The following OSTN variants were observed in gnomAD, a reference collection of about 807,000 sequenced individuals.
OSTN encodes osteocrin.
OSTN carries 9 observed loss-of-function variants against 12.0 expected under a neutral mutation model. The ratio of observed to expected loss-of-function variants is 0.75; its 90% CI spans 0.45 to 1.30. OSTN has a LOEUF of 1.30. OSTN is among the 50% of genes most tolerant of loss of function. The pLI is 0.00. For missense variants in OSTN, 148 were observed against 152.3 expected (o/e 0.97, Z 0.15); for synonymous variants, 59 against 56.9 (o/e 1.04, Z -0.16).
At chr3:191,255,709 TA>T (rs1185875030) in intron 4 of OSTN, among the ~76,000 whole-genome samples, 3 of 150,986 alleles carry the variant, frequency 2.0e-5, no homozygotes, top group South Asian at 2.1e-4. Flanking sequence ...TAAATAGCCC[TA>T]AAAAAAGTGT....
At chr3:191,226,956 G>A (rs368273177) in intron 3 of OSTN, among the ~76,000 whole-genome samples, 31 of 152,022 alleles carry the variant, frequency 2.0e-4, no homozygotes, top group South Asian at 4.1e-4. Context: ...AGAAGGAATA[G>A]AGAAGCTCTT....
chr3:191,215,736 C>T (rs1397080948), intron 2 of OSTN, among the ~76,000 whole-genome samples: 1 of 152,204 alleles, frequency 6.6e-6, no homozygotes, highest in Non-Finnish European at 1.5e-5. Flanking sequence ...CATGCTGATG[C>T]AAGAGGTAGG....
At chr3:191,224,767 T>C (rs989775532) in intron 3 of OSTN, among the ~76,000 whole-genome samples, 2 of 152,144 alleles carry the variant, frequency 1.3e-5, no homozygotes, top group African/African-American at 4.8e-5. Flanking sequence ...GAATACCAAA[T>C]TTTATTTTTG....
chr3:191,245,374 A>T (rs576937520), intron 3 of OSTN, among the ~76,000 whole-genome samples: 1 of 152,356 alleles, frequency 6.6e-6, no homozygotes, highest in East Asian at 1.9e-4. Context: ...AAGTGAATAA[A>T]CAGCTCCAGA....
At chr3:191,239,779 A>C (rs988605133) in intron 3 of OSTN, among the ~76,000 whole-genome samples, 1 of 152,232 alleles carries the variant, frequency 6.6e-6, no homozygotes, top group African/African-American at 2.4e-5. Flanking sequence ...TGTTAGGAAA[A>C]AAATTGGCTT....
Position 191,264,173 on chromosome 3 carries a change from A to C in OSTN, c.*1320A>C, listed in dbSNP as rs1346254544. On this transcript the variant is annotated 3_prime_UTR_variant, in exon 5 of 5. Coordinates refer to ENST00000682035, the MANE Select transcript of OSTN (RefSeq NM_198184.2). ...TTAAAGGAAGAGGAGAGAAATGGGCAATTGCTAATCTTAACTAAAAATTAA... is the reference window on the plus strand; with the variant it reads ...TTAAAGGAAGAGGAGAGAAATGGGCCATTGCTAATCTTAACTAAAAATTAA... 1.3e-5 allele frequency: 2 copies of C among 152,132 alleles called. No homozygotes were observed. The highest frequency in any genetic ancestry group is 1.3e-4 in the Admixed American group (2 of 15,274). 9.4% of individuals were successfully genotyped at this position (152,132 alleles called of 1,614,324 possible).
chr3:191,262,229 G>C (rs916036418), intron 4 of OSTN, among the ~76,000 whole-genome samples: 3 of 152,094 alleles, frequency 2.0e-5, no homozygotes, highest in Admixed American at 6.5e-5. Flanking sequence ...AAAAAGAAAA[G>C]AAACGTGACC....
At chr3:191,216,789 A>G (rs1714623626) in intron 2 of OSTN, among the ~76,000 whole-genome samples, 1 of 152,188 alleles carries the variant, frequency 6.6e-6, no homozygotes, top group African/African-American at 2.4e-5. Context: ...CCTGGACTTC[A>G]TTGTCCATAA....
In OSTN at chr3:191,264,932, G is replaced by A. The variant is rs1272906122; in HGVS notation, c.*2079G>A. ...TTAAAATAAGAAGTCACAATATAGTGATTTATGCTATAGTTTCATGTGTAA... is the reference window on the plus strand; with the variant it reads ...TTAAAATAAGAAGTCACAATATAGTAATTTATGCTATAGTTTCATGTGTAA... On this transcript the variant is annotated 3_prime_UTR_variant, in exon 5 of 5. Coordinates refer to ENST00000682035, the MANE Select transcript of OSTN (RefSeq NM_198184.2). 1 of 151,284 alleles carries A rather than the reference G, an allele frequency of 6.6e-6. No homozygotes were observed. Among genetic ancestry groups the A allele is most frequent in the Non-Finnish European group, 1.5e-5 (1 of 67,756 alleles). The allele number at this position is 151,284 out of a possible 1,614,324, so 9.4% of individuals were successfully genotyped here.
At chr3:191,199,601 C>T (rs759030879) in intron 1 of OSTN, among the ~76,000 whole-genome samples, 2 of 151,866 alleles carry the variant, frequency 1.3e-5, no homozygotes, top group African/African-American at 2.4e-5. Flanking sequence ...ATGTTATTAG[C>T]GTTATTTTGC....
intron 3 of OSTN, among the ~76,000 whole-genome samples, chr3:191,244,754 A>G (rs1005213395): frequency 3.3e-5 from 5 of 150,658 alleles, no homozygotes; most frequent in African/African-American, 1.2e-4. Context: ...TATGAAAATT[A>G]TTTTTATTTT....
At chr3:191,255,880 A>G (rs184683130) in intron 4 of OSTN, among the ~76,000 whole-genome samples, 386 of 152,216 alleles carry the variant, frequency 2.5e-3, no homozygotes, top group African/African-American at 9.1e-3. Context: ...CTTTTTAATT[A>G]GAGTCCTAAA....
intron 3 of OSTN, among the ~76,000 whole-genome samples, chr3:191,231,341 T>TA (rs1016788245): frequency 8.6e-5 from 13 of 151,324 alleles, no homozygotes; most frequent in African/African-American, 2.9e-4. Context: ...TCAGCGTCAT[T>TA]AAAAAAATCA....
At chr3:191,241,385 T>C (rs531348735) in intron 3 of OSTN, among the ~76,000 whole-genome samples, 14 of 151,772 alleles carry the variant, frequency 9.2e-5, no homozygotes, top group East Asian at 1.9e-4. Context: ...GGGGTTTCAC[T>C]ATGTTAGCCA....
intron 3 of OSTN, among the ~76,000 whole-genome samples, chr3:191,232,389 A>G (rs1715081418): frequency 6.7e-6 from 1 of 149,290 alleles, no homozygotes; most frequent in African/African-American, 2.5e-5. Context: ...GAACATAACC[A>G]TTTCAAAGCA....
At chr3:191,211,223 AT>A (rs1284751664) in intron 1 of OSTN, among the ~76,000 whole-genome samples, 1 of 152,172 alleles carries the variant, frequency 6.6e-6, no homozygotes, top group African/African-American at 2.4e-5. Flanking sequence ...ATTTCAGTAA[AT>A]GGTATAATGT....
intron 4 of OSTN, among the ~76,000 whole-genome samples, chr3:191,253,837 C>T (rs536432458): frequency 3.2e-4 from 49 of 152,196 alleles, no homozygotes; most frequent in Non-Finnish European, 6.5e-4. Flanking sequence ...TTTTCAGGAT[C>T]ACTTCAGAAT....
At chr3:191,208,696 T>G (rs1714343830) in intron 1 of OSTN, among the ~76,000 whole-genome samples, 1 of 152,114 alleles carries the variant, frequency 6.6e-6, no homozygotes. Flanking sequence ...AGGAGAAACC[T>G]GGTTAGTGAA....
In OSTN at chr3:191,250,121, A is replaced by G. The variant is rs1290532659; in HGVS notation, c.402A>G (p.Ter134=). 3.1e-6 allele frequency: 5 copies of G among 1,599,248 alleles called. No homozygotes were observed. Among genetic ancestry groups the G allele is most frequent in the Non-Finnish European group, 2.6e-6 (3 of 1,166,500 alleles). Residue 134 remains the stop codon, a stop_retained_variant, in exon 4 of 5, where the codon TAA becomes TAG. Transcript: ENST00000682035. ...GRNRLSNSRG[*] ...ACCGGCTTTCAAATTCCAGAGGCTA[A>G]TTGATTCCAATTGTGAGTACAATTT...
Sources: allele counts gnomAD v4.1 joint callset (sites outside exome capture counted in the v4.1 genomes callset), GRCh38; gene constraint gnomAD v4.1.1; transcripts MANE v1.5; gene names NCBI Gene and HGNC (gene_info 2026-07-23, HGNC 2026-07-21).